Variants in USH2A observed in about 807,000 individuals in gnomAD.
The protein encoded by USH2A is usherin.
A neutral mutation model predicts 538.9 loss-of-function variants in USH2A; 443 were observed. The ratio of observed to expected loss-of-function variants is 0.82; its 90% CI spans 0.76 to 0.89. The LOEUF (loss-of-function observed/expected upper bound fraction) is 0.89. Ranked by LOEUF, USH2A falls within the 40% of genes least tolerant of loss-of-function variation. USH2A has a pLI of 0.00. For missense variants in USH2A, 6,633 were observed against 6,324.8 expected (o/e 1.05, Z -1.65); for synonymous variants, 2,413 against 2,273.5 (o/e 1.06, Z -1.75).
intron 47 of USH2A, among the ~76,000 whole-genome samples, chr1:215,825,589 T>C (rs1663129120): frequency 6.6e-6 from 1 of 152,200 alleles, no homozygotes; most frequent in Non-Finnish European, 1.5e-5. Context: ...TCATACACTC[T>C]AAGATATTAA....
chr1:216,275,420 A>G (rs1486422852), intron 11 of USH2A, among the ~76,000 whole-genome samples: 1 of 152,110 alleles, frequency 6.6e-6, no homozygotes, highest in African/African-American at 2.4e-5. Flanking sequence ...GTCTATAGTT[A>G]ATGTTGTATA....
At chr1:216,321,337 C>A (rs1353879782) in intron 9 of USH2A, among the ~76,000 whole-genome samples, 2 of 152,234 alleles carry the variant, frequency 1.3e-5, no homozygotes, top group African/African-American at 4.8e-5. Flanking sequence ...AATTCCACCT[C>A]AACTATGGAA....
intron 4 of USH2A, among the ~76,000 whole-genome samples, chr1:216,350,119 T>G (rs1298519993): frequency 2.0e-5 from 3 of 151,988 alleles, no homozygotes; most frequent in Non-Finnish European, 4.4e-5. Flanking sequence ...TGCCACACAC[T>G]TTAAAATAAC....
intron 24 of USH2A, among the ~76,000 whole-genome samples, chr1:216,085,715 C>CGTGAGT (rs2032108268): frequency 7.2e-6 from 1 of 138,784 alleles, no homozygotes; most frequent in South Asian, 2.2e-4. Flanking sequence ...AGGCTGTGTA[C>CGTGAGT]GTGAGTGTGT....
chr1:216,325,243 T>G, intron 6 of USH2A, 62 bp downstream of exon 6: 1 of 1,550,834 alleles, frequency 6.4e-7, no homozygotes, highest in East Asian at 2.3e-5. Context: ...AGACATGAAG[T>G]TTGTGGGCAT....
At chr1:216,327,423 A>G (rs2037757169) in intron 5 of USH2A, among the ~76,000 whole-genome samples, 168 bp downstream of exon 5, 1 of 152,196 alleles carries the variant, frequency 6.6e-6, no homozygotes, top group African/African-American at 2.4e-5. Flanking sequence ...GCACTAGTGA[A>G]TAACAACCAT....
intron 21 of USH2A, among the ~76,000 whole-genome samples, chr1:216,148,398 C>T (rs923070922): frequency 2.0e-5 from 3 of 152,110 alleles, no homozygotes; most frequent in Admixed American, 2.0e-4. Flanking sequence ...AATCCAAAGC[C>T]TCCTTTGCAT....
chr1:215,840,163 CAAAAAAAAAAAAAA>C lies in USH2A; in HGVS notation c.9259-2074_9259-2061del, dbSNP rs60766928. Among the ~76,000 whole-genome samples the C allele has an allele frequency of 1.0e-4, 3 of 29,516 alleles. No individual in the cohort carries two copies. In the Admixed American group the frequency reaches 2.1e-3, roughly 21 times the overall value. 19.4% of individuals were successfully genotyped at this position (29,516 alleles called of 152,430 possible). ...GGGTGAGAAGAGTGAGACTCTGTCT[CAAAAAAAAAAAAAA>C]AAAAAAAAAAAAAAAAAAGTAGATA... is the stretch of plus-strand genomic sequence containing the variant. On this transcript the variant is annotated intron_variant, in intron 46 of 71. Transcript: ENST00000307340.
intron 4 of USH2A, among the ~76,000 whole-genome samples, chr1:216,353,346 G>A (rs1200531801): frequency 6.6e-6 from 1 of 151,722 alleles, no homozygotes; most frequent in Non-Finnish European, 1.5e-5. Flanking sequence ...AGAGCCGCTG[G>A]GGGCACCGAG....
At chr1:215,929,958 G>A (rs369628465) in intron 38 of USH2A, among the ~76,000 whole-genome samples, 27 of 151,902 alleles carry the variant, frequency 1.8e-4, no homozygotes, top group African/African-American at 5.8e-4. Context: ...AGAGAGAGTC[G>A]AAAAGACCCT....
At position 215,625,703 on chromosome 1, in the gene USH2A, T is replaced by C. The variant is rs1434696658; in HGVS notation, c.*78A>G. On this transcript the variant is annotated 3_prime_UTR_variant, in exon 72 of 72. Transcript: ENST00000307340. ...ATAAACAATGGCTTTTCAGCATTTA[T>C]GATGTGTGAGTGATAACCCAGGAGG... The C allele has an allele frequency of 7.7e-7, 1 of 1,300,634 alleles. No individual in the cohort carries two copies. The highest frequency in any genetic ancestry group is 1.1e-6 in the Non-Finnish European group (1 of 895,288). The allele number at this position is 1,300,634 out of a possible 1,614,324, so 80.6% of individuals were successfully genotyped here.
intron 11 of USH2A, among the ~76,000 whole-genome samples, chr1:216,280,034 T>A (rs2036742427): frequency 6.6e-6 from 1 of 151,778 alleles, no homozygotes; most frequent in Non-Finnish European, 1.5e-5. Context: ...TGTATGCACT[T>A]TAGGTGTGGA....
At chr1:215,640,900 A>G (rs890278439) in intron 67 of USH2A, among the ~76,000 whole-genome samples, 166 bp from the exon 68 acceptor site, 2 of 151,490 alleles carry the variant, frequency 1.3e-5, no homozygotes, top group Admixed American at 6.6e-5. Context: ...CTTTTTCCTC[A>G]GTATTACGAA....
chr1:215,866,962 T>A, intron 44 of USH2A, 45 bp downstream of exon 44: 1 of 1,613,494 alleles, frequency 6.2e-7, no homozygotes, highest in Non-Finnish European at 8.5e-7. Context: ...AATATGCTTT[T>A]AAAAATACAC....
At chr1:215,754,083 C>CT (rs1359786265) in intron 58 of USH2A, among the ~76,000 whole-genome samples, 1 of 152,170 alleles carries the variant, frequency 6.6e-6, no homozygotes, top group Non-Finnish European at 1.5e-5. Flanking sequence ...TATTATATTA[C>CT]TTTTTTGAGA....
chr1:216,208,973 C>T (rs2035178764), intron 15 of USH2A, among the ~76,000 whole-genome samples: 1 of 152,056 alleles, frequency 6.6e-6, no homozygotes, highest in Non-Finnish European at 1.5e-5. Flanking sequence ...AATTTAAGAC[C>T]CCCACAAGGA....
intron 21 of USH2A, among the ~76,000 whole-genome samples, chr1:216,122,066 G>A (rs1385206167): frequency 6.6e-6 from 1 of 152,080 alleles, no homozygotes; most frequent in East Asian, 1.9e-4. Flanking sequence ...AAAATGTAGG[G>A]CTGTCACAAG....
intron 60 of USH2A, among the ~76,000 whole-genome samples, chr1:215,737,750 T>C (rs1558075999): frequency 6.6e-6 from 1 of 152,024 alleles, no homozygotes; most frequent in Admixed American, 6.6e-5. Context: ...TTGAATTACA[T>C]CAAAATTCCT....
At chr1:216,346,188 T>C (rs982072076) in intron 4 of USH2A, among the ~76,000 whole-genome samples, 2 of 152,134 alleles carry the variant, frequency 1.3e-5, no homozygotes, top group African/African-American at 4.8e-5. Flanking sequence ...TTCGCCTGGC[T>C]AAAGTCAGGT....
Sources: gnomAD v4.1 joint callset for allele counts (sites outside exome capture counted in the v4.1 genomes callset) on GRCh38, gnomAD v4.1.1 for gene constraint, MANE v1.5 for transcripts, NCBI Gene and HGNC (gene_info 2026-07-23, HGNC 2026-07-21) for gene names.